The following DPEP1 variants were observed in gnomAD, a reference collection of about 807,000 sequenced individuals.
The protein encoded by DPEP1 is dipeptidase 1.
DPEP1 carries 50 observed loss-of-function variants against 42.3 expected under a neutral mutation model. The observed-to-expected ratio is 1.18, with a 90% CI of 0.94 to 1.50. DPEP1 has a LOEUF of 1.50. Ranked by LOEUF, DPEP1 falls within the 40% of genes most tolerant of loss-of-function variation. The probability of loss-of-function intolerance (pLI) is 0.00; values close to 1 mark genes in which losing one functional copy is unlikely to be tolerated. For missense variants in DPEP1, 663 were observed against 553.0 expected (o/e 1.20, Z -1.99); for synonymous variants, 297 against 234.0 (o/e 1.27, Z -2.46).
chr16:89,618,788 A>G (rs921994583), intron 1 of DPEP1, among the ~76,000 whole-genome samples: 5 of 151,038 alleles, frequency 3.3e-5, no homozygotes, highest in African/African-American at 9.7e-5. Flanking sequence ...TTTGTAACTT[A>G]TAGATTAATA....
In DPEP1 at chr16:89,635,066, CT is replaced by C. The variant is rs1466252685; in HGVS notation, c.105-841del. On this transcript the variant is annotated intron_variant, in intron 2 of 10. Coordinates refer to ENST00000690203, the MANE Select transcript of DPEP1 (RefSeq NM_001389466.1). ...CCCTTCCTTCTCCTTTCCCTTCCTT[CT>C]CCTTTCCCTTCCTTCTCCTTTCCCT... Among the ~76,000 whole-genome samples, 43 of 26,594 alleles carry C rather than the reference CT, an allele frequency of 1.6e-3. 4 individuals are homozygous for C. The highest frequency in any genetic ancestry group is 4.0e-3 in the African/African-American group (41 of 10,294). 17.4% of individuals were successfully genotyped at this position (26,594 alleles called of 152,430 possible).
At chr16:89,630,589 GC>G (rs539656834) in intron 2 of DPEP1, 75 bp downstream of exon 2, 7 of 124,842 alleles carry the variant, frequency 5.6e-5, no homozygotes, top group African/African-American at 1.4e-4. Flanking sequence ...GGCTGGGGGA[GC>G]CGGGGCTGGG....
At chr16:89,640,836 T>G (rs979761690), downstream of DPEP1, among the ~76,000 whole-genome samples, 29 of 152,214 alleles carry the variant, frequency 1.9e-4, no homozygotes, top group African/African-American at 6.5e-4. Context: ...AAAAGACAGC[T>G]GGGCCCAGGG....
At chr16:89,633,228 C>T (rs1384755695) in intron 2 of DPEP1, among the ~76,000 whole-genome samples, 2 of 152,194 alleles carry the variant, frequency 1.3e-5, no homozygotes, top group African/African-American at 4.8e-5. Context: ...CCTGACCACC[C>T]ACTCTGCTCC....
intron 1 of DPEP1, among the ~76,000 whole-genome samples, chr16:89,617,617 C>T (rs113864837): frequency 1.7e-3 from 215 of 127,210 alleles, no homozygotes; most frequent in African/African-American, 4.0e-3. Context: ...GGAGGCCGGG[C>T]GCGGCGGCTC....
downstream of DPEP1, among the ~76,000 whole-genome samples, chr16:89,638,692 G>GCACA (rs56372832): frequency 7.2e-3 from 514 of 71,734 alleles, 11 homozygotes; most frequent in Non-Finnish European, 0.01. Flanking sequence ...CCCCACCCCT[G>GCACA]CACACACACA....
At chr16:89,616,490 G>C (rs2059380240) in intron 1 of DPEP1, among the ~76,000 whole-genome samples, 1 of 152,168 alleles carries the variant, frequency 6.6e-6, no homozygotes, top group South Asian at 2.1e-4. Context: ...TGCATCCCCG[G>C]GGTGGTGAAG....
intron 1 of DPEP1, chr16:89,626,418 T>A (rs1454462814): frequency 1.3e-5 from 2 of 152,202 alleles, no homozygotes; most frequent in African/African-American, 4.8e-5. Context: ...TGGCACAATC[T>A]TGGCTCCCCG....
downstream of DPEP1, among the ~76,000 whole-genome samples, chr16:89,641,363 G>C (rs1328801062): frequency 1.3e-5 from 2 of 152,220 alleles, no homozygotes; most frequent in Non-Finnish European, 2.9e-5. Context: ...GTGACCGCTA[G>C]ACCAAGGAGC....
chr16:89,638,015 C>A lies in DPEP1; in HGVS notation c.1066-37C>A, dbSNP rs1170785567. On this transcript the variant is annotated intron_variant, in intron 10 of 10. Transcript: ENST00000690203. The stretch of plus-strand genomic sequence containing the variant: ...CCTGAGTCTCCCCCACCACCACCAG[C>A]AGGCAGGCTGCCCCACCCGTGTCTG... 3.7e-6 allele frequency: 6 copies of A among 1,609,598 alleles called. No homozygotes were observed. In the South Asian group the frequency reaches 6.6e-5, roughly 18 times the overall value.
At position 89,637,877 on chromosome 16, in the gene DPEP1, T is replaced by A; in HGVS notation, c.971T>A (p.Leu324Gln). The A allele has an allele frequency of 6.2e-7, 1 of 1,612,748 alleles. No individual in the cohort carries two copies. ...GAGGACGTCTCCAAGTATCCAGACC[T>A]GATCGCTGAGCTGCTCAGGAGGAAC... The part of the protein sequence containing the change: ...GLEDVSKYPD[L>Q]IAELLRRNWT... The change falls in exon 10 of 11, where the codon CTG becomes CAG. Residue 324 changes from leucine to glutamine, a missense_variant. Coordinates refer to ENST00000690203, the MANE Select transcript of DPEP1 (RefSeq NM_001389466.1).
intron 1 of DPEP1, chr16:89,626,581 C>G (rs2059515649): frequency 6.6e-6 from 1 of 152,160 alleles, no homozygotes; most frequent in Admixed American, 6.5e-5. Context: ...AACTCCGGAC[C>G]TCAGGTGATC....
intron 1 of DPEP1, among the ~76,000 whole-genome samples, chr16:89,627,519 G>A (rs1013769739): frequency 1.3e-5 from 2 of 151,486 alleles, no homozygotes; most frequent in Non-Finnish European, 2.9e-5. Flanking sequence ...AGGTTGCCGT[G>A]AGCCGAGATT....
At chr16:89,623,031 T>C (rs902769495) in intron 1 of DPEP1, among the ~76,000 whole-genome samples, 6 of 151,926 alleles carry the variant, frequency 3.9e-5, no homozygotes, top group African/African-American at 1.2e-4. Context: ...TTGTTCCCAA[T>C]TGGAAGAACT....
intron 1 of DPEP1, among the ~76,000 whole-genome samples, chr16:89,629,401 C>T (rs1053079710): frequency 1.3e-5 from 2 of 152,118 alleles, no homozygotes; most frequent in East Asian, 3.9e-4. Context: ...ACTCAGGAGG[C>T]TCAGGCAGGA....
intron 2 of DPEP1, among the ~76,000 whole-genome samples, chr16:89,634,362 C>T (rs544856738): frequency 1.1e-4 from 17 of 152,156 alleles, no homozygotes; most frequent in African/African-American, 2.9e-4. Context: ...GCTGGGATTA[C>T]AGGCATGAGC....
Position 89,637,480 on chromosome 16 carries a change from A to C in DPEP1, c.781A>C (p.Ser261Arg), listed in dbSNP as rs2059697754. The C allele has an allele frequency of 6.2e-7, 1 of 1,612,742 alleles. No homozygotes were observed. The highest frequency in any genetic ancestry group is 8.5e-7 in the Non-Finnish European group (1 of 1,179,986). ...DVLRLVKQTD[S>R]LVMVNFYNNY... ...CCTTCTTGTGCAGAAACAGACAGACAGCCTGGTGATGGTGAACTTCTACAA... is the reference window on the plus strand; with the variant it reads ...CCTTCTTGTGCAGAAACAGACAGACCGCCTGGTGATGGTGAACTTCTACAA... The change falls in exon 8 of 11, where the codon AGC (serine) becomes CGC (arginine). Residue 261 changes from serine to arginine, a missense_variant. By Grantham distance (110) the Ser-to-Arg change is moderately radical. Coordinates refer to ENST00000690203, the MANE Select transcript of DPEP1 (RefSeq NM_001389466.1).
chr16:89,626,141 G>T (rs566938601), intron 1 of DPEP1, among the ~76,000 whole-genome samples: 4 of 152,162 alleles, frequency 2.6e-5, no homozygotes, highest in African/African-American at 7.2e-5. Context: ...TAAGGGTGCC[G>T]CATTTTCATG....
chr16:89,637,590 G>T (rs375507155), intron 8 of DPEP1, 38 bp downstream of exon 8: 1 of 1,612,684 alleles, frequency 6.2e-7, no homozygotes, highest in Non-Finnish European at 8.5e-7. Context: ...GCCGAAGGGG[G>T]AGGGCCTCAC....
Sources: gnomAD v4.1 joint callset for allele counts (sites outside exome capture counted in the v4.1 genomes callset) on GRCh38, gnomAD v4.1.1 for gene constraint, MANE v1.5 for transcripts, NCBI Gene and HGNC (gene_info 2026-07-23, HGNC 2026-07-21) for gene names.